The following ANKRD36 variants were observed in gnomAD, a reference collection of about 807,000 sequenced individuals.
ANKRD36 encodes the protein ankyrin repeat domain 36.
ANKRD36 carries 179 observed loss-of-function variants against 278.1 expected under a neutral mutation model. The observed-to-expected ratio is 0.64, with a 90% confidence interval of 0.57 to 0.73. ANKRD36 has a LOEUF of 0.73. Among genes scored for constraint, ANKRD36 ranks in the 30% least tolerant of loss-of-function variants. The pLI is 0.00. For missense variants in ANKRD36, 1,159 were observed against 1,956.7 expected (o/e 0.59, Z 7.69); for synonymous variants, 320 against 641.1 (o/e 0.50, Z 7.57).
intron 22 of ANKRD36, among the ~76,000 whole-genome samples, chr2:97,175,247 A>C (rs1258653480): frequency 1.3e-5 from 2 of 148,260 alleles, no homozygotes; most frequent in African/African-American, 4.9e-5. Flanking sequence ...CTGTGAATCC[A>C]TCTGGTCCTG....
intron 6 of ANKRD36, among the ~76,000 whole-genome samples, chr2:97,130,320 A>G (rs937459227): frequency 4.6e-5 from 7 of 151,928 alleles, no homozygotes; most frequent in African/African-American, 7.2e-5. Context: ...GCTGGAAAAC[A>G]TCACTCTCAG....
At chr2:97,188,615 T>G (rs1415377183) in intron 32 of ANKRD36, among the ~76,000 whole-genome samples, 2 of 89,472 alleles carry the variant, frequency 2.2e-5, no homozygotes, top group Non-Finnish European at 3.9e-5. Flanking sequence ...TCAACTGAAT[T>G]GTCGTGGTAA....
intron 15 of ANKRD36, among the ~76,000 whole-genome samples, chr2:97,156,062 G>A (rs1352093238): frequency 6.9e-6 from 1 of 145,948 alleles, no homozygotes; most frequent in African/African-American, 2.4e-5. Flanking sequence ...AATGAAAATT[G>A]GAAAAGATGG....
chr2:97,197,191 G>C (rs113397604), intron 42 of ANKRD36, among the ~76,000 whole-genome samples: 24,961 of 150,148 alleles, frequency 0.17, 1,890 homozygotes, highest in African/African-American at 0.34. Context: ...CGTACACACT[G>C]TAGGAGAACT....
intron 66 of ANKRD36, among the ~76,000 whole-genome samples, chr2:97,220,840 A>G (rs568059086): frequency 7.1e-6 from 1 of 140,480 alleles, no homozygotes; most frequent in South Asian, 2.5e-4. Context: ...GGTTAGCTAT[A>G]TATGTATACA....
intron 44 of ANKRD36, among the ~76,000 whole-genome samples, chr2:97,200,129 T>G (rs1295730674): frequency 3.3e-5 from 5 of 151,880 alleles, no homozygotes; most frequent in African/African-American, 1.2e-4. Flanking sequence ...ATGTTTGAAA[T>G]CGTAAGGGTG....
rs746175356 is a variant in ANKRD36, at chr2:97,192,875, C to G, written c.2365C>G (p.Pro789Ala). 5 of 1,603,696 alleles carry G rather than the reference C, an allele frequency of 3.1e-6. No homozygotes were observed. The highest frequency in any genetic ancestry group is 4.2e-6 in the Non-Finnish European group (5 of 1,177,550). Residue 789 changes from proline (P) to alanine (A), a missense_variant, in exon 37 of 76, where the codon CCA becomes GCA. Physicochemically the swap from Pro to Ala is conservative, Grantham distance 27. Coordinates refer to ENST00000420699, the MANE Select transcript of ANKRD36 (RefSeq NM_001354587.1). ...KSGTVSSQKPPALTATSDEEG... is the reference protein window; with the variant it reads ...KSGTVSSQKPAALTATSDEEG... ...CTTTTCAGTGTCTTCTCAGAAACCA[C>G]CAGCCTTGACGGTAATGAAACACTC...
intron 38 of ANKRD36, 75 bp downstream of exon 38, chr2:97,193,128 G>A (rs1441533080): frequency 9.6e-6 from 13 of 1,359,058 alleles, no homozygotes; most frequent in East Asian, 5.1e-5. Context: ...ATAAATCAGC[G>A]GGGGGCTCGT....
chr2:97,134,998 G>C (rs193047476), intron 6 of ANKRD36, among the ~76,000 whole-genome samples: 1 of 152,052 alleles, frequency 6.6e-6, no homozygotes, highest in Non-Finnish European at 1.5e-5. Flanking sequence ...CAAGCTTACC[G>C]CATCTTCCCT....
intron 28 of ANKRD36, among the ~76,000 whole-genome samples, chr2:97,184,789 T>C (rs550292481): frequency 6.6e-6 from 1 of 151,892 alleles, no homozygotes; most frequent in East Asian, 1.9e-4. Context: ...CAACCATATA[T>C]CCAAGCTGAT....
rs534329420 is a variant in ANKRD36, at chr2:97,189,603, A to G, written c.2245+313A>G. 9.6e-4 allele frequency among the ~76,000 whole-genome samples: 85 copies of G among 88,292 alleles called. 10 individuals are homozygous for G. The highest frequency in any genetic ancestry group is 2.1e-3 in the African/African-American group (82 of 38,258). The allele number at this position is 88,292 out of a possible 152,430, so 57.9% of individuals were successfully genotyped here. ...TGCTTTAATTCTACAGCATGGTTTCACTAAGGGTGGAAGAAGAAAGAGAGG... is the reference window on the plus strand; with the variant it reads ...TGCTTTAATTCTACAGCATGGTTTCGCTAAGGGTGGAAGAAGAAAGAGAGG... On this transcript the variant is annotated intron_variant, in intron 34 of 75. Transcript: ENST00000420699.
chr2:97,220,289 G>T (rs140784605), intron 66 of ANKRD36, among the ~76,000 whole-genome samples: 1,533 of 143,626 alleles, frequency 0.011, 13 homozygotes, highest in African/African-American at 0.039. Context: ...ACAAGTTATT[G>T]CTGACTGTAG....
chr2:97,113,937 G>T lies in ANKRD36; in HGVS notation c.197+1G>T. On this transcript the variant is annotated splice_donor_variant, in intron 1 of 75. Coordinates refer to ENST00000420699, the MANE Select transcript of ANKRD36 (RefSeq NM_001354587.1). LOFTEE classifies it high-confidence loss of function. Reference sequence around the variant, plus strand: ...CCAATAAGAGAGACAGGAAGGAAAGGTAATGGGGGCCGGGAGCCGGGGCTG... The same window carrying T: ...CCAATAAGAGAGACAGGAAGGAAAGTTAATGGGGGCCGGGAGCCGGGGCTG... 6.2e-7 allele frequency: 1 copy of T among 1,611,022 alleles called. No individual in the cohort carries two copies. The highest frequency in any genetic ancestry group is 1.1e-5 in the South Asian group (1 of 90,732).
intron 22 of ANKRD36, among the ~76,000 whole-genome samples, chr2:97,170,214 G>T (rs1156291555): frequency 2.6e-5 from 4 of 151,710 alleles, no homozygotes; most frequent in Non-Finnish European, 5.9e-5. Context: ...GGGAAAACTG[G>T]CTAGCCTTAT....
At chr2:97,231,110 G>A (rs1389598263) in intron 67 of ANKRD36, among the ~76,000 whole-genome samples, 3 of 152,120 alleles carry the variant, frequency 2.0e-5, no homozygotes, top group Non-Finnish European at 4.4e-5. Context: ...CACTTGAGGA[G>A]GCAGTCTGCC....
chr2:97,124,009 G>A (rs2037822500), intron 4 of ANKRD36, among the ~76,000 whole-genome samples: 1 of 148,556 alleles, frequency 6.7e-6, no homozygotes, highest in African/African-American at 2.5e-5. Flanking sequence ...ACGCTTATCA[G>A]CATCATTAAC....
chr2:97,142,726 T>G, intron 7 of ANKRD36, 37 bp from the exon 8 acceptor site: 1 of 1,610,108 alleles, frequency 6.2e-7, no homozygotes, highest in Non-Finnish European at 8.5e-7. Flanking sequence ...TGAAATATAC[T>G]TTATGTATTG....
chr2:97,181,456 G>T lies in ANKRD36; in HGVS notation c.1736-142G>T, dbSNP rs940461432. 8.1e-6 allele frequency: 8 copies of T among 984,204 alleles called. No homozygotes were observed. The Admixed American group carries it at 1.2e-4, about 15-fold the overall frequency. 61.0% of individuals were successfully genotyped at this position (984,204 alleles called of 1,614,324 possible). Reference sequence around the variant, plus strand: ...TTCAGTGTATTTCTGTCATGTTCCAGTCTCCAGACAAAAAGTAGAAAACAT... The same window carrying T: ...TTCAGTGTATTTCTGTCATGTTCCATTCTCCAGACAAAAAGTAGAAAACAT... On this transcript the variant is annotated intron_variant, in intron 24 of 75. Transcript: ENST00000420699.
At chr2:97,203,458 G>A (rs2061957611) in intron 48 of ANKRD36, among the ~76,000 whole-genome samples, 1 of 151,866 alleles carries the variant, frequency 6.6e-6, no homozygotes, top group African/African-American at 2.4e-5. Flanking sequence ...GTGGATACAA[G>A]AAACTTAGGC....
Sources: gnomAD v4.1 joint callset for allele counts (sites outside exome capture counted in the v4.1 genomes callset) on GRCh38, gnomAD v4.1.1 for gene constraint, MANE v1.5 for transcripts, NCBI Gene and HGNC (gene_info 2026-07-23, HGNC 2026-07-21) for gene names.